TRPM3: variants seen among roughly 807,000 people sequenced by gnomAD.
The protein encoded by TRPM3 is transient receptor potential cation channel subfamily M member 3.
In TRPM3, 77 loss-of-function variants were observed where a neutral mutation model predicts 181.2. The ratio of observed to expected loss-of-function variants is 0.42; its 90% CI spans 0.35 to 0.51. The LOEUF is 0.51. TRPM3 is among the 20% of genes least tolerant of loss of function. The pLI, the probability that TRPM3 is intolerant of heterozygous loss-of-function variation, is 0.01. For missense variants in TRPM3, 1,759 were observed against 2,196.7 expected (o/e 0.80, Z 3.98); for synonymous variants, 745 against 796.4 (o/e 0.94, Z 1.09).
At chr9:70,627,123 G>A (rs1188820769) in intron 12 of TRPM3, among the ~76,000 whole-genome samples, 1 of 152,120 alleles carries the variant, frequency 6.6e-6, no homozygotes, top group African/African-American at 2.4e-5. Flanking sequence ...TCCCTGGTTG[G>A]AATAGCCCTA....
intron 1 of TRPM3, among the ~76,000 whole-genome samples, chr9:71,413,014 C>G (rs554090190): frequency 7.2e-5 from 11 of 152,184 alleles, no homozygotes; most frequent in African/African-American, 1.7e-4. Flanking sequence ...AACCAAACAC[C>G]GCATGTTCTC....
intron 9 of TRPM3, among the ~76,000 whole-genome samples, chr9:70,670,821 T>C (rs1362598969): frequency 6.6e-6 from 1 of 152,226 alleles, no homozygotes; most frequent in Non-Finnish European, 1.5e-5. Flanking sequence ...AACCATGTCA[T>C]GTGTCCCTTA....
chr9:71,369,102 G>C (rs2132783240), intron 1 of TRPM3, among the ~76,000 whole-genome samples: 1 of 151,836 alleles, frequency 6.6e-6, no homozygotes, highest in African/African-American at 2.4e-5. Flanking sequence ...TAAGAATTTA[G>C]AAAAAGAGCC....
intron 6 of TRPM3, among the ~76,000 whole-genome samples, chr9:70,815,261 C>T (rs2092588389): frequency 6.6e-6 from 1 of 152,094 alleles, no homozygotes; most frequent in Non-Finnish European, 1.5e-5. Flanking sequence ...CAGAATATTT[C>T]ACTATATATT....
At position 71,014,262 on chromosome 9, in the gene TRPM3, A is replaced by G. The variant is rs533062471; in HGVS notation, c.177+106916T>C. ...TTGTTCTATGAATTGTAAGCAGAAA[A>G]TATTATATTTTTGCATTTTTCCACT... On this transcript the variant is annotated intron_variant, in intron 1 of 25. Transcript: ENST00000677713. Among the ~76,000 whole-genome samples the G allele has an allele frequency of 1.8e-4, 27 of 152,074 alleles. 1 individual carries two copies. The highest frequency in any genetic ancestry group is 6.0e-4 in the African/African-American group (25 of 41,538).
intron 1 of TRPM3, among the ~76,000 whole-genome samples, chr9:71,140,514 A>G (rs938791877): frequency 2.6e-5 from 4 of 152,018 alleles, no homozygotes; most frequent in African/African-American, 9.7e-5. Context: ...ACATCCTGAC[A>G]CCTCCCCAAG....
At chr9:70,630,627 C>G (rs2065645856) in intron 12 of TRPM3, among the ~76,000 whole-genome samples, 1 of 152,218 alleles carries the variant, frequency 6.6e-6, no homozygotes, top group African/African-American at 2.4e-5. Context: ...AACAGTCATT[C>G]TGCCTGCTGT....
At chr9:71,446,943 C>A, upstream of TRPM3, 1 of 1,159,430 alleles carries the variant, frequency 8.6e-7, no homozygotes, top group Non-Finnish European at 1.2e-6. Context: ...GTTGGCGCTG[C>A]CTTTGCCTCC....
chr9:70,928,753 G>A (rs2096745971), intron 1 of TRPM3, among the ~76,000 whole-genome samples: 2 of 152,174 alleles, frequency 1.3e-5, no homozygotes, highest in African/African-American at 4.8e-5. Context: ...TGAATAACAT[G>A]GGTGTATGAA....
Position 70,590,888 on chromosome 9 carries a change from T to C in TRPM3, c.3223+143A>G, listed in dbSNP as rs2058005453. The stretch of plus-strand genomic sequence containing the variant: ...TTGTGTATTCACCTTCTGTAATTTT[T>C]GTTTCCTCCAAGATAGCAAGCTAGG... On this transcript the variant is annotated intron_variant, in intron 22 of 25. Coordinates refer to ENST00000677713, the MANE Select transcript of TRPM3 (RefSeq NM_001366145.2). 2.9e-6 allele frequency: 3 copies of C among 1,034,546 alleles called. No individual in the cohort carries two copies. In the East Asian group the frequency reaches 7.5e-5, roughly 26 times the overall value. 64.1% of individuals were successfully genotyped at this position (1,034,546 alleles called of 1,614,324 possible).
chr9:71,371,155 A>T (rs930246152), intron 1 of TRPM3, among the ~76,000 whole-genome samples: 26 of 152,198 alleles, frequency 1.7e-4, no homozygotes, highest in African/African-American at 6.0e-4. Flanking sequence ...ACGGAGTTGA[A>T]TGTTGTTTTC....
At chr9:70,963,035 A>G (rs1445423355) in intron 1 of TRPM3, among the ~76,000 whole-genome samples, 2 of 152,208 alleles carry the variant, frequency 1.3e-5, no homozygotes, top group Non-Finnish European at 2.9e-5. Context: ...GAGCTGCTCC[A>G]TAGGAAGAAA....
intron 1 of TRPM3, among the ~76,000 whole-genome samples, chr9:71,162,231 A>G (rs553573093): frequency 4.0e-5 from 6 of 151,312 alleles, no homozygotes; most frequent in Admixed American, 1.3e-4. Flanking sequence ...GAAGAAAAAG[A>G]AAAAGAAAAA....
chr9:71,066,074 C>T (rs2061883241), intron 1 of TRPM3, among the ~76,000 whole-genome samples: 1 of 152,080 alleles, frequency 6.6e-6, no homozygotes. Flanking sequence ...CCCTAGTCAC[C>T]CAGATTGCTT....
intron 1 of TRPM3, among the ~76,000 whole-genome samples, chr9:71,144,632 C>T (rs2075306677): frequency 6.6e-6 from 1 of 152,078 alleles, no homozygotes; most frequent in African/African-American, 2.4e-5. Context: ...TTATAATGAA[C>T]ATTACTCTGT....
intron 1 of TRPM3, among the ~76,000 whole-genome samples, chr9:71,076,169 G>T (rs561291938): frequency 1.3e-5 from 2 of 152,242 alleles, no homozygotes; most frequent in Admixed American, 6.5e-5. Flanking sequence ...AGAGCTAATT[G>T]TTCAGTTTTC....
At chr9:71,388,350 G>A (rs185130343) in intron 1 of TRPM3, among the ~76,000 whole-genome samples, 429 of 152,108 alleles carry the variant, frequency 2.8e-3, no homozygotes, top group Non-Finnish European at 5.0e-3. Context: ...CTAAGTAAGC[G>A]CCTGGGTGAT....
At chr9:70,914,712 T>C (rs1163491591) in intron 1 of TRPM3, among the ~76,000 whole-genome samples, 1 of 152,152 alleles carries the variant, frequency 6.6e-6, no homozygotes, top group African/African-American at 2.4e-5. Flanking sequence ...ACAGGAGTGC[T>C]TGTGTCACTT....
chr9:70,652,889 AGAGT>A (rs2059766728), intron 9 of TRPM3, among the ~76,000 whole-genome samples: 1 of 152,164 alleles, frequency 6.6e-6, no homozygotes, highest in South Asian at 2.1e-4. Flanking sequence ...AAGAGTCTGC[AGAGT>A]GAGTGAGTGA....
Sources: allele counts gnomAD v4.1 joint callset (sites outside exome capture counted in the v4.1 genomes callset), GRCh38; gene constraint gnomAD v4.1.1; transcripts MANE v1.5; gene names NCBI Gene and HGNC (gene_info 2026-07-23, HGNC 2026-07-21).